GALNT12: variants seen among roughly 807,000 people sequenced by gnomAD.
GALNT12 encodes the protein UDP-GalNAc:polypeptide N-acetylgalactosaminyltransferase 12.
A neutral mutation model predicts 55.5 loss-of-function variants in GALNT12; 45 were observed. That is an observed-to-expected ratio of 0.81 (90% CI 0.64 to 1.04). The LOEUF is 1.04. GALNT12 is among the 50% of genes least tolerant of loss of function. The probability of loss-of-function intolerance (pLI) is 0.00; values close to 1 mark genes in which losing one functional copy is unlikely to be tolerated. For missense variants in GALNT12, 709 were observed against 754.8 expected, an observed-to-expected ratio of 0.94 and a Z score of 0.71; for synonymous variants, 304 against 312.2, an observed-to-expected ratio of 0.97 and a Z score of 0.28.
At chr9:98,812,702 T>C (rs1179817115) in intron 1 of GALNT12, among the ~76,000 whole-genome samples, 1 of 152,242 alleles carries the variant, frequency 6.6e-6, no homozygotes, top group Non-Finnish European at 1.5e-5. Flanking sequence ...TCTTATTTTA[T>C]GTTTTCATTT....
chr9:98,823,327 C>T lies in GALNT12; in HGVS notation c.443C>T (p.Ala148Val), dbSNP rs1175927536. ...GTTATCATAGCATTTTATAATGAAG[C>T]CTGGTCAACTCTCCTTCGGACAGTT... ...TSVIIAFYNE[A>V]WSTLLRTVYS... The change falls in exon 2 of 10, where the codon GCC becomes GTC. Residue 148 changes from alanine (A) to valine (V), a missense_variant. Physicochemically the swap from Ala to Val is moderately conservative, Grantham distance 64. This residue lies in a region of GALNT12 where 315 missense variants were observed against 288.6 expected (regional missense o/e 1.09). Transcript: ENST00000375011. 6.2e-7 allele frequency: 1 copy of T among 1,613,666 alleles called. No homozygotes were observed. The highest frequency in any genetic ancestry group is 1.3e-5 in the African/African-American group (1 of 74,922).
chr9:98,817,149 AG>A lies in GALNT12; in HGVS notation c.372-6106del, dbSNP rs199939015. ...CCCAGCTAATTTTTGTATTTTTGGTAGAGACAGGTTTTTGCCATGTTGCCCA... is the reference window on the plus strand; with the variant it reads ...CCCAGCTAATTTTTGTATTTTTGGTAAGACAGGTTTTTGCCATGTTGCCCA... On this transcript the variant is annotated intron_variant, in intron 1 of 9. Coordinates refer to ENST00000375011, the MANE Select transcript of GALNT12 (RefSeq NM_024642.5). Among the ~76,000 whole-genome samples, 761 of 151,748 alleles carry A rather than the reference AG, an allele frequency of 5.0e-3. 6 individuals carry two copies. Among genetic ancestry groups the A allele is most frequent in the South Asian group, 0.022 (105 of 4,804 alleles).
intron 1 of GALNT12, among the ~76,000 whole-genome samples, chr9:98,808,960 C>T (rs958690508): frequency 2.4e-4 from 37 of 152,354 alleles, no homozygotes; most frequent in Middle Eastern, 6.8e-3. Flanking sequence ...CCCATTGGAG[C>T]TGGTGGTGGC....
At chr9:98,841,082 G>GCATGTGATGGTTGTGTCTTGT (rs1277642988) in intron 7 of GALNT12, among the ~76,000 whole-genome samples, 2 of 152,226 alleles carry the variant, frequency 1.3e-5, no homozygotes, top group Admixed American at 1.3e-4. Flanking sequence ...TGCACACATT[G>GCATGTGATGGTTGTGTCTTGT]CATGTGATGG....
intron 1 of GALNT12, among the ~76,000 whole-genome samples, chr9:98,817,152 G>A (rs1014254276): frequency 6.6e-6 from 1 of 152,138 alleles, no homozygotes; most frequent in Non-Finnish European, 1.5e-5. Context: ...TTTTGGTAGA[G>A]ACAGGTTTTT....
intron 5 of GALNT12, among the ~76,000 whole-genome samples, chr9:98,836,213 C>A (rs1331598454): frequency 6.6e-6 from 1 of 152,316 alleles, no homozygotes; most frequent in South Asian, 2.1e-4. Flanking sequence ...AAACTCCTAG[C>A]ATTTCAGTAG....
intron 1 of GALNT12, among the ~76,000 whole-genome samples, chr9:98,814,595 A>G (rs1835571813): frequency 6.6e-6 from 1 of 151,974 alleles, no homozygotes; most frequent in Non-Finnish European, 1.5e-5. Flanking sequence ...CTGTAATCCC[A>G]GCTACTTGGG....
intron 1 of GALNT12, among the ~76,000 whole-genome samples, chr9:98,822,599 G>T (rs1320677099): frequency 5.9e-5 from 9 of 152,174 alleles, no homozygotes; most frequent in Admixed American, 5.2e-4. Flanking sequence ...CCTTCCTGGA[G>T]TGTCTGTAGG....
chr9:98,823,421 T>TA lies in GALNT12; in HGVS notation c.538dup (p.Arg180LysfsTer11). 3 of 1,613,990 alleles carry TA rather than the reference T, an allele frequency of 1.9e-6. No homozygotes were observed. The East Asian group carries it at 6.7e-5, about 36-fold the overall frequency. On this transcript the variant is annotated frameshift_variant, in exon 2 of 10. Transcript: ENST00000375011. LOFTEE classifies it high-confidence loss of function. ...TGATCCTTGTAGATGACTACAGTGA[T>TA]AGAGGTGAGTCCCGGCCAGGGCTCT...
chr9:98,825,308 G>A (rs1588445752), intron 2 of GALNT12, among the ~76,000 whole-genome samples: 2 of 152,326 alleles, frequency 1.3e-5, no homozygotes, highest in South Asian at 4.1e-4. Flanking sequence ...AAATTCCTCT[G>A]ACACATCTCA....
At chr9:98,837,252 A>C (rs1836178091) in intron 6 of GALNT12, 104 bp downstream of exon 6, 2 of 1,109,164 alleles carry the variant, frequency 1.8e-6, no homozygotes, top group African/African-American at 3.1e-5. Flanking sequence ...AATAGAGAAT[A>C]AATTGGGTGC....
Position 98,849,971 on chromosome 9 carries a change from G to A in GALNT12, c.*879G>A. 1 of 215,982 alleles carries A rather than the reference G, an allele frequency of 4.6e-6. No homozygotes were observed. 13.4% of individuals were successfully genotyped at this position (215,982 alleles called of 1,614,324 possible). On this transcript the variant is annotated 3_prime_UTR_variant, in exon 10 of 10. Transcript: ENST00000375011. Reference sequence around the variant, plus strand: ...TAGAGTTTGTGCTGCTGCAACTGCTGTGAAAATTTCTCTGAGTAATTCTGA... The same window carrying A: ...TAGAGTTTGTGCTGCTGCAACTGCTATGAAAATTTCTCTGAGTAATTCTGA...
intron 3 of GALNT12, among the ~76,000 whole-genome samples, chr9:98,829,734 G>A (rs555545192): frequency 5.9e-5 from 9 of 152,134 alleles, no homozygotes; most frequent in African/African-American, 2.2e-4. Context: ...TTGTCTTTTT[G>A]TGCCTTGCTT....
chr9:98,811,768 C>T (rs1564245581), intron 1 of GALNT12, among the ~76,000 whole-genome samples: 1 of 151,298 alleles, frequency 6.6e-6, no homozygotes. Context: ...CTGCAACCTC[C>T]ACCTCCTGGG....
chr9:98,825,931 T>C (rs932898250), intron 2 of GALNT12, among the ~76,000 whole-genome samples: 1 of 151,830 alleles, frequency 6.6e-6, no homozygotes, highest in African/African-American at 2.4e-5. Flanking sequence ...GCCATGATCA[T>C]GCCACTGCAC....
rs757918355 is a variant in GALNT12 at position 98,846,856 on chromosome 9, C to CAAA, written c.1605+750_1605+752dup. On this transcript the variant is annotated intron_variant, in intron 9 of 9. Transcript: ENST00000375011. Reference sequence around the variant, plus strand: ...TGGGAGACAGAGCGAGACTCCGTCTCAAAAAAAAAAAAAAAAAAAGGTGCA... The same window carrying CAAA: ...TGGGAGACAGAGCGAGACTCCGTCTCAAAAAAAAAAAAAAAAAAAAAAGGTGCA... 2.2e-3 allele frequency among the ~76,000 whole-genome samples: 243 copies of CAAA among 109,044 alleles called. 5 individuals carry two copies. The highest frequency in any genetic ancestry group is 6.3e-3 in the South Asian group (19 of 3,006). The allele number at this position is 109,044 out of a possible 152,430, so 71.5% of individuals were successfully genotyped here. A position where few individuals can be genotyped will look rare whatever the true frequency, so the allele number is the denominator to read the frequency against.
At chr9:98,808,744 T>C (rs551759867) in intron 1 of GALNT12, among the ~76,000 whole-genome samples, 1 of 152,302 alleles carries the variant, frequency 6.6e-6, no homozygotes, top group Non-Finnish European at 1.5e-5. Context: ...CTGTTGGAGC[T>C]ACTGGCTGGG....
intron 1 of GALNT12, among the ~76,000 whole-genome samples, chr9:98,822,730 A>G (rs565863917): frequency 1.4e-4 from 22 of 152,274 alleles, no homozygotes; most frequent in African/African-American, 5.3e-4. Flanking sequence ...GAATACTGTC[A>G]GTGGTGCATG....
At position 98,815,899 on chromosome 9, in the gene GALNT12, A is replaced by T. The variant is rs113999727; in HGVS notation, c.372-7357A>T. Reference sequence around the variant, plus strand: ...TGTAGATTTCTATCCTGCCTTTTTGATTTAACATTATAGTGTGACCATTCT... The same window carrying T: ...TGTAGATTTCTATCCTGCCTTTTTGTTTTAACATTATAGTGTGACCATTCT... On this transcript the variant is annotated intron_variant, in intron 1 of 9. Transcript: ENST00000375011. Among the ~76,000 whole-genome samples the T allele has an allele frequency of 4.7e-3, 713 of 152,236 alleles. 10 individuals carry two copies. Among genetic ancestry groups the T allele is most frequent in the African/African-American group, 0.017 (692 of 41,534 alleles).
Sources: allele counts gnomAD v4.1 joint callset (sites outside exome capture counted in the v4.1 genomes callset), GRCh38; gene constraint gnomAD v4.1.1; regional missense constraint gnomAD v4.1.1; transcripts MANE v1.5; gene names NCBI Gene and HGNC (gene_info 2026-07-23, HGNC 2026-07-21).